GPN3: variants seen among roughly 807,000 people sequenced by gnomAD.
GPN3 encodes GPN-loop GTPase 3, also known as ATP-binding domain 1 family member C.
A neutral mutation model predicts 38.7 loss-of-function variants in GPN3; 31 were observed. The observed-to-expected ratio is 0.80, with a 90% CI of 0.60 to 1.08. The LOEUF (loss-of-function observed/expected upper bound fraction) is 1.08. Ranked by LOEUF, GPN3 falls within the 50% of genes least tolerant of loss-of-function variation. The probability of loss-of-function intolerance (pLI) is 0.00; values close to 1 mark genes in which losing one functional copy is unlikely to be tolerated. For synonymous variants in GPN3, 116 were observed against 120.2 expected, an observed-to-expected ratio of 0.96 and a Z score of 0.23; for missense variants, 301 against 354.4, an observed-to-expected ratio of 0.85 and a Z score of 1.21.
In GPN3 at chr12:110,453,043, C is replaced by T; in HGVS notation, c.846G>A (p.Gln282=). The change falls in exon 8 of 8, where the codon CAG becomes CAA. Residue 282 remains glutamine (Q), a synonymous_variant. Transcript: ENST00000228827. ...ACTTTTAGTAAACTCTTCATTCATC[C>T]TGGCATTCTTGAAAATATTCGTCAA... The part of the protein sequence containing the change: ...SMFDEYFQEC[Q]DE 1 of 1,396,304 alleles carries T rather than the reference C, an allele frequency of 7.2e-7. No homozygotes were observed. The highest frequency in any genetic ancestry group is 1.0e-6 in the Non-Finnish European group (1 of 981,318). The allele number at this position is 1,396,304 out of a possible 1,614,324, so 86.5% of individuals were successfully genotyped here.
Position 110,458,038 on chromosome 12 carries a change from C to T in GPN3, c.326-404G>A, listed in dbSNP as rs1390813669. On this transcript the variant is annotated intron_variant, in intron 3 of 7. Coordinates refer to ENST00000228827, the MANE Select transcript of GPN3 (RefSeq NM_016301.4). The surrounding 1 kb of genome is among the most constrained non-coding windows in gnomAD (Gnocchi z 4.4). ...TGCTGAGGCACAAGAATTGCTTAAA[C>T]CCGGGAGGAGGAGGCTGCAGTGAGC... Among the ~76,000 whole-genome samples, 1 of 151,972 alleles carries T rather than the reference C, an allele frequency of 6.6e-6. No homozygotes were observed. The highest frequency in any genetic ancestry group is 2.4e-5 in the African/African-American group (1 of 41,374).
At chr12:110,464,021 AGATG>A (rs2062610265) in intron 2 of GPN3, among the ~76,000 whole-genome samples, 1 of 151,964 alleles carries the variant, frequency 6.6e-6, no homozygotes. Flanking sequence ...TATTTTTCAG[AGATG>A]GATCTTGCAA....
At chr12:110,454,875 T>G (rs1160327786) in intron 6 of GPN3, among the ~76,000 whole-genome samples, 1 of 148,152 alleles carries the variant, frequency 6.7e-6, no homozygotes, top group African/African-American at 2.5e-5. Context: ...CGGGCTGGAG[T>G]GCAATGACAA....
chr12:110,467,454 T>C (rs1032605915), intron 1 of GPN3, among the ~76,000 whole-genome samples: 1 of 152,190 alleles, frequency 6.6e-6, no homozygotes, highest in Non-Finnish European at 1.5e-5. Context: ...CATAAAATTA[T>C]ATAAAATCTT....
In GPN3 at chr12:110,453,065, TCAAA is replaced by T. The variant is rs777439084; in HGVS notation, c.820_823del (p.Phe274ThrfsTer62). The T allele has an allele frequency of 6.7e-7, 1 of 1,482,374 alleles. No individual in the cohort carries two copies. The highest frequency in any genetic ancestry group is 9.4e-7 in the Non-Finnish European group (1 of 1,060,862). 91.8% of individuals were successfully genotyped at this position (1,482,374 alleles called of 1,614,324 possible). A position where few individuals can be genotyped will look rare whatever the true frequency, so the allele number is the denominator to read the frequency against. ...ATCCTGGCATTCTTGAAAATATTCG[TCAAA>T]CATAGAGGAAGACTCATCTTCACGT... On this transcript the variant is annotated frameshift_variant, in exon 8 of 8. Coordinates refer to ENST00000228827, the MANE Select transcript of GPN3 (RefSeq NM_016301.4). LOFTEE classifies it high-confidence loss of function.
chr12:110,461,556 T>C (rs1174058495), intron 2 of GPN3, among the ~76,000 whole-genome samples: 1 of 151,718 alleles, frequency 6.6e-6, no homozygotes, highest in Non-Finnish European at 1.5e-5. Flanking sequence ...GATGACATGG[T>C]ACCACTGCAC....
chr12:110,461,746 G>C (rs2062591432), intron 2 of GPN3, among the ~76,000 whole-genome samples: 1 of 152,128 alleles, frequency 6.6e-6, no homozygotes, highest in African/African-American at 2.4e-5. Flanking sequence ...ACAAAGGACT[G>C]AGCTTCATTC....
chr12:110,456,329 CAAAAAAAAAA>C (rs59734369), intron 4 of GPN3, among the ~76,000 whole-genome samples: 2 of 67,062 alleles, frequency 3.0e-5, no homozygotes, highest in African/African-American at 9.5e-5. Context: ...AACTTGGTCT[CAAAAAAAAAA>C]AAAAAAAAAA....
Position 110,453,797 on chromosome 12 carries a change from C to T in GPN3, c.738G>A (p.Gln246=). 6.3e-7 allele frequency: 1 copy of T among 1,587,684 alleles called. No individual in the cohort carries two copies. Among genetic ancestry groups the T allele is most frequent in the Non-Finnish European group, 8.7e-7 (1 of 1,155,992 alleles). The change falls in exon 7 of 8, where the codon CAG becomes CAA. Residue 246 remains glutamine (Q), a synonymous_variant. Coordinates refer to ENST00000228827, the MANE Select transcript of GPN3 (RefSeq NM_016301.4). ...SDEESMNIVL[Q]HIDFAIQYGE... Reference sequence around the variant, plus strand: ...CATATTGAATGGCAAAATCAATATGCTGCAATACAATGTTCATGCTTTCTT... The same window carrying T: ...CATATTGAATGGCAAAATCAATATGTTGCAATACAATGTTCATGCTTTCTT...
At position 110,455,683 on chromosome 12, in the gene GPN3, C is replaced by A. The variant is rs201870981; in HGVS notation, c.567-1G>T. On this transcript the variant is annotated splice_acceptor_variant, in intron 5 of 7. Coordinates refer to ENST00000228827, the MANE Select transcript of GPN3 (RefSeq NM_016301.4). LOFTEE classifies it high-confidence loss of function. ...AGAATACATGTCTGGATCTAAAAATCTTTAAAAGACAGAAAGACTGATGAA... is the reference window on the plus strand; with the variant it reads ...AGAATACATGTCTGGATCTAAAAATATTTAAAAGACAGAAAGACTGATGAA... 1.6e-5 allele frequency: 19 copies of A among 1,225,378 alleles called. No individual in the cohort carries two copies. The highest frequency in any genetic ancestry group is 3.0e-5 in the African/African-American group (2 of 66,804). The allele number at this position is 1,225,378 out of a possible 1,614,324, so 75.9% of individuals were successfully genotyped here.
intron 3 of GPN3, among the ~76,000 whole-genome samples, chr12:110,459,240 GTT>G (rs60209835): frequency 7.0e-6 from 1 of 142,394 alleles, no homozygotes; most frequent in African/African-American, 2.6e-5. Flanking sequence ...ACTTTTTTTT[GTT>G]TTTTTTTTTT....
chr12:110,468,265 G>T, upstream of GPN3: 1 of 1,602,514 alleles, frequency 6.2e-7, no homozygotes. Context: ...ACTGAGCTCC[G>T]GGAAAGTGAA....
intron 3 of GPN3, among the ~76,000 whole-genome samples, chr12:110,459,240 GTTTTT>G (rs60209835): frequency 7.0e-6 from 1 of 142,394 alleles, no homozygotes; most frequent in Non-Finnish European, 1.5e-5. Context: ...ACTTTTTTTT[GTTTTT>G]TTTTTTTGTT....
chr12:110,457,502 C>T lies in GPN3; in HGVS notation c.450+8G>A, dbSNP rs1483957687. On this transcript the variant is annotated splice_region_variant and intron_variant, in intron 4 of 7. Coordinates refer to ENST00000228827, the MANE Select transcript of GPN3 (RefSeq NM_016301.4). ...AAAAAAAAATCTGTAAGAGATTTAGCTTCAGACCTTGAATGACTCCACCAT... is the reference window on the plus strand; with the variant it reads ...AAAAAAAAATCTGTAAGAGATTTAGTTTCAGACCTTGAATGACTCCACCAT... The T allele has an allele frequency of 8.3e-7, 1 of 1,204,968 alleles. No individual in the cohort carries two copies. The allele number at this position is 1,204,968 out of a possible 1,614,324, so 74.6% of individuals were successfully genotyped here.
intron 4 of GPN3, 106 bp from the exon 5 acceptor site, chr12:110,456,036 A>C (rs2062547401): frequency 1.5e-6 from 1 of 656,286 alleles, no homozygotes; most frequent in Admixed American, 2.6e-5. Flanking sequence ...TGGCCTAAAT[A>C]AAAGAAATGC....
In GPN3 at chr12:110,460,922, C is replaced by T. The variant is rs2062583009; in HGVS notation, c.158-1060G>A. ...GAGGTTGCAGTGAGCCAAGATCACG[C>T]CACTGCTCTCAAGCCCAGGCGACAG... On this transcript the variant is annotated intron_variant, in intron 2 of 7. Transcript: ENST00000228827. The T allele has an allele frequency of 1.4e-5, 11 of 783,242 alleles. No individual in the cohort carries two copies. The Admixed American group carries it at 1.7e-4, about 12-fold the overall frequency. 48.5% of individuals were successfully genotyped at this position (783,242 alleles called of 1,614,324 possible). A position where few individuals can be genotyped will look rare whatever the true frequency, so the allele number is the denominator to read the frequency against.
intron 3 of GPN3, 53 bp downstream of exon 3, chr12:110,459,642 G>T: frequency 1.7e-6 from 2 of 1,199,866 alleles, no homozygotes; most frequent in Non-Finnish European, 2.5e-6. Flanking sequence ...TCCTACTAAG[G>T]ATGGAACTAT....
intron 2 of GPN3, among the ~76,000 whole-genome samples, chr12:110,463,806 C>T (rs2062609015): frequency 1.3e-5 from 2 of 149,942 alleles, no homozygotes; most frequent in African/African-American, 2.5e-5. Flanking sequence ...AACCCCAAAA[C>T]GTGTATCAAA....
At chr12:110,468,330 C>T, upstream of GPN3, 1 of 1,561,882 alleles carries the variant, frequency 6.4e-7, no homozygotes, top group Non-Finnish European at 8.6e-7. Flanking sequence ...TACCACACCT[C>T]CTACTACGGG....
Sources: allele counts gnomAD v4.1 joint callset (sites outside exome capture counted in the v4.1 genomes callset), GRCh38; gene constraint gnomAD v4.1.1; non-coding constraint Gnocchi (gnomAD v3.1); transcripts MANE v1.5; gene names NCBI Gene and HGNC (gene_info 2026-07-23, HGNC 2026-07-21).